Variants in STK32B observed in about 807,000 individuals in gnomAD.
The protein encoded by STK32B is serine/threonine kinase 32B.
Under a neutral mutation model 52.6 loss-of-function variants are expected in STK32B, and 43 were observed. The observed-to-expected ratio is 0.82, with a 90% CI of 0.64 to 1.05. The LOEUF is 1.05. STK32B is among the 50% of genes least tolerant of loss of function. The probability of loss-of-function intolerance (pLI) is 0.00; values close to 1 mark genes in which losing one functional copy is unlikely to be tolerated. For missense variants in STK32B, 621 were observed against 534.6 expected (o/e 1.16, Z -1.59); for synonymous variants, 238 against 204.3 (o/e 1.17, Z -1.41).
At chr4:5,195,322 G>C (rs903426521) in intron 3 of STK32B, among the ~76,000 whole-genome samples, 1 of 152,138 alleles carries the variant, frequency 6.6e-6, no homozygotes, top group Non-Finnish European at 1.5e-5. Context: ...TATCAGATTT[G>C]TGCCTGCTGC....
At chr4:5,481,031 C>T (rs982174478) in intron 11 of STK32B, among the ~76,000 whole-genome samples, 6 of 152,092 alleles carry the variant, frequency 3.9e-5, no homozygotes, top group African/African-American at 1.2e-4. Context: ...TGAACAGTGC[C>T]ACAATAAACA....
chr4:5,331,071 T>G, intron 3 of STK32B, 149 bp from the exon 4 acceptor site: 1 of 647,494 alleles, frequency 1.5e-6, no homozygotes, highest in South Asian at 2.9e-5. Flanking sequence ...CCTTTTCCCC[T>G]TCCCCTCCAC....
rs569377236 is a variant in STK32B, at chr4:5,233,183, G to A, written c.260+64733G>A. On this transcript the variant is annotated intron_variant, in intron 3 of 11. Coordinates refer to ENST00000282908, the MANE Select transcript of STK32B (RefSeq NM_018401.3). ...TGTGAAGGTTTGGAGTAGCAGCAAT[G>A]GGGAATGGACAGGTTTATGGGCAGT... Among the ~76,000 whole-genome samples the A allele has an allele frequency of 2.6e-5, 4 of 152,280 alleles. No individual in the cohort carries two copies. In the South Asian group the frequency reaches 8.3e-4, roughly 32 times the overall value.
At chr4:5,123,500 G>T (rs189117133) in intron 1 of STK32B, among the ~76,000 whole-genome samples, 1 of 152,116 alleles carries the variant, frequency 6.6e-6, no homozygotes, top group Admixed American at 6.5e-5. Context: ...AGCCTGGGGG[G>T]CTTCAACAAC....
chr4:5,020,927 G>C, the STK32B span, among the ~76,000 whole-genome samples: 2 of 152,194 alleles, frequency 1.3e-5, no homozygotes, highest in African/African-American at 4.8e-5. Context: ...GAGCCCTGGA[G>C]CTATGTCTGG....
chr4:5,105,438 T>C (rs1714045391), intron 1 of STK32B, among the ~76,000 whole-genome samples: 1 of 152,156 alleles, frequency 6.6e-6, no homozygotes, highest in Admixed American at 6.5e-5. Flanking sequence ...TTCTATTGAG[T>C]TTATCTTTCT....
intron 2 of STK32B, among the ~76,000 whole-genome samples, chr4:5,145,570 G>C (rs998044481): frequency 1.3e-5 from 2 of 152,058 alleles, no homozygotes; most frequent in Non-Finnish European, 2.9e-5. Flanking sequence ...CTAAAATTTA[G>C]TATAAAATGG....
intron 2 of STK32B, among the ~76,000 whole-genome samples, chr4:5,149,300 T>G (rs990065662): frequency 4.6e-5 from 7 of 151,914 alleles, no homozygotes; most frequent in African/African-American, 1.7e-4. Flanking sequence ...CTGACAATTC[T>G]GCCTTTTAGT....
At chr4:5,183,045 T>C (rs1005228629) in intron 3 of STK32B, among the ~76,000 whole-genome samples, 6 of 152,218 alleles carry the variant, frequency 3.9e-5, no homozygotes, top group Non-Finnish European at 7.3e-5. Context: ...GTTCCATTTA[T>C]AGAATACAAG....
At chr4:5,044,028 T>C in the STK32B span, among the ~76,000 whole-genome samples, 102 of 152,322 alleles carry the variant, frequency 6.7e-4, no homozygotes, top group Non-Finnish European at 1.3e-3. Flanking sequence ...CACGCACTGA[T>C]GGTTTACAAT....
intron 4 of STK32B, among the ~76,000 whole-genome samples, chr4:5,331,846 G>T (rs1053777348): frequency 6.6e-6 from 1 of 152,184 alleles, no homozygotes. Context: ...TTGCATAAAA[G>T]CTCTGAGTTT....
At chr4:5,148,022 G>T (rs1019665706) in intron 2 of STK32B, among the ~76,000 whole-genome samples, 1 of 151,760 alleles carries the variant, frequency 6.6e-6, no homozygotes. Flanking sequence ...AAGTTATCTG[G>T]GTATAGAGTT....
upstream of STK32B, among the ~76,000 whole-genome samples, chr4:5,050,519 G>A (rs150609719): frequency 2.9e-3 from 444 of 152,322 alleles, no homozygotes; most frequent in African/African-American, 9.7e-3. Context: ...GAGAGACCAG[G>A]TAGGGGACGG....
At chr4:5,215,656 T>A (rs182271289) in intron 3 of STK32B, among the ~76,000 whole-genome samples, 2 of 152,316 alleles carry the variant, frequency 1.3e-5, no homozygotes, top group East Asian at 3.9e-4. Flanking sequence ...GGAGTGTTAA[T>A]GATTTTTGTC....
chr4:5,151,931 T>C (rs529986815), intron 2 of STK32B, among the ~76,000 whole-genome samples: 38 of 152,202 alleles, frequency 2.5e-4, no homozygotes, highest in Non-Finnish European at 4.9e-4. Context: ...CATGTCACTG[T>C]GGTCCCCAAT....
intron 2 of STK32B, among the ~76,000 whole-genome samples, chr4:5,146,198 A>T (rs1223438880): frequency 6.6e-6 from 1 of 152,162 alleles, no homozygotes; most frequent in Non-Finnish European, 1.5e-5. Flanking sequence ...GAATTGCCTC[A>T]CATGATCACA....
Position 5,399,490 on chromosome 4 carries a change from G to A in STK32B, c.472+1246G>A, listed in dbSNP as rs1298770755. The stretch of plus-strand genomic sequence containing the variant: ...CTGGAACCAGACTAAGTGCTTTGGG[G>A]GCAGTAGGATTGAACTCACTGTGCT... On this transcript the variant is annotated intron_variant, in intron 5 of 11. Coordinates refer to ENST00000282908, the MANE Select transcript of STK32B (RefSeq NM_018401.3). The surrounding 1 kb of genome is among the most constrained non-coding windows in gnomAD (Gnocchi z 5.4). Among the ~76,000 whole-genome samples, 1 of 152,182 alleles carries A rather than the reference G, an allele frequency of 6.6e-6. No individual in the cohort carries two copies.
intron 4 of STK32B, among the ~76,000 whole-genome samples, chr4:5,340,149 G>A (rs556354522): frequency 2.0e-5 from 3 of 152,236 alleles, no homozygotes; most frequent in Admixed American, 6.5e-5. Flanking sequence ...GGGCCAGGCT[G>A]TGTACCAGCT....
At chr4:5,044,217 C>T in the STK32B span, among the ~76,000 whole-genome samples, 2 of 152,140 alleles carry the variant, frequency 1.3e-5, no homozygotes, top group Non-Finnish European at 2.9e-5. Flanking sequence ...CTGGCCTCTT[C>T]CTGTTGGAGT....
Sources: gnomAD v4.1 joint callset for allele counts (sites outside exome capture counted in the v4.1 genomes callset) on GRCh38, gnomAD v4.1.1 for gene constraint, Gnocchi (gnomAD v3.1) non-coding constraint, MANE v1.5 for transcripts, NCBI Gene and HGNC (gene_info 2026-07-23, HGNC 2026-07-21) for gene names.